The following PEX14 variants were observed in gnomAD, a reference collection of about 807,000 sequenced individuals.
PEX14 encodes the protein peroxisomal membrane protein PEX14.
Under a neutral mutation model 49.5 loss-of-function variants are expected in PEX14, and 15 were observed. The observed-to-expected ratio is 0.30, with a 90% CI of 0.20 to 0.47. The LOEUF is 0.47. Ranked by LOEUF, PEX14 falls within the 20% of genes least tolerant of loss-of-function variation. The pLI is 1.00. For synonymous variants in PEX14, 210 were observed against 212.7 expected, an observed-to-expected ratio of 0.99 and a Z score of 0.11; for missense variants, 398 against 494.8, an observed-to-expected ratio of 0.80 and a Z score of 1.86.
intron 3 of PEX14, among the ~76,000 whole-genome samples, chr1:10,547,991 A>G (rs749777688): frequency 1.3e-5 from 2 of 152,048 alleles, no homozygotes; most frequent in African/African-American, 2.4e-5. Flanking sequence ...TGAGGCAGGC[A>G]GATCACCTGA....
rs779545665 is a variant in PEX14 at position 10,495,285 on chromosome 1, T to C, written c.48T>C (p.Thr16=). The change falls in exon 2 of 9, where the codon ACT becomes ACC. Residue 16 remains threonine (T), a synonymous_variant. Coordinates refer to ENST00000356607, the MANE Select transcript of PEX14 (RefSeq NM_004565.3). The surrounding 1 kb of genome is among the most constrained non-coding windows in gnomAD (Gnocchi z 4.2). ...ATTTTTCTCTGCAGCCAAGCTCTACTCCAGGAAGTGAAAATGTGCTGCCTC... is the reference window on the plus strand; with the variant it reads ...ATTTTTCTCTGCAGCCAAGCTCTACCCCAGGAAGTGAAAATGTGCTGCCTC... ...QAEQPSQPSS[T]PGSENVLPRE... 8 of 1,613,886 alleles carry C rather than the reference T, an allele frequency of 5.0e-6. No individual in the cohort carries two copies. In the Admixed American group the frequency reaches 1.2e-4, roughly 24 times the overall value.
At position 10,500,373 on chromosome 1, in the gene PEX14, C is replaced by CAAAAAAAAA. The variant is rs750781683; in HGVS notation, c.84+5073_84+5081dup. ...TGGGCGACAGAGCCAGATTCTGTCTCAAAAAAAAAAAAAAAAAAAAAAAAA... is the reference window on the plus strand; with the variant it reads ...TGGGCGACAGAGCCAGATTCTGTCTCAAAAAAAAAAAAAAAAAAAAAAAAAAAAAAAAAA... On this transcript the variant is annotated intron_variant, in intron 2 of 8. Transcript: ENST00000356607. 1.3e-3 allele frequency among the ~76,000 whole-genome samples: 57 copies of CAAAAAAAAA among 43,674 alleles called. 1 individual carries two copies. The highest frequency in any genetic ancestry group is 1.7e-3 in the East Asian group (2 of 1,198). 28.7% of individuals were successfully genotyped at this position (43,674 alleles called of 152,430 possible). A position where few individuals can be genotyped will look rare whatever the true frequency, so the allele number is the denominator to read the frequency against.
intron 2 of PEX14, among the ~76,000 whole-genome samples, chr1:10,497,080 C>T (rs1641580385): frequency 6.6e-6 from 1 of 151,950 alleles, no homozygotes; most frequent in South Asian, 2.1e-4. Context: ...TTTCTCCTTC[C>T]CCCACTTTTT....
At chr1:10,530,888 A>G (rs1426636310) in intron 2 of PEX14, among the ~76,000 whole-genome samples, 3 of 152,164 alleles carry the variant, frequency 2.0e-5, no homozygotes, top group Non-Finnish European at 4.4e-5. Flanking sequence ...GAGAATGACA[A>G]TTCCGACGCT....
chr1:10,497,415 T>A (rs972529848), intron 2 of PEX14, among the ~76,000 whole-genome samples: 8 of 152,220 alleles, frequency 5.3e-5, no homozygotes, highest in African/African-American at 1.7e-4. Flanking sequence ...TCAGGCCATG[T>A]GTATTTGCTG....
chr1:10,505,068 G>A (rs1641758116), intron 2 of PEX14, among the ~76,000 whole-genome samples: 1 of 152,194 alleles, frequency 6.6e-6, no homozygotes, highest in African/African-American at 2.4e-5. Flanking sequence ...GGAATTACAG[G>A]CATGAGCCAC....
intron 3 of PEX14, among the ~76,000 whole-genome samples, chr1:10,588,955 A>G (rs2124584299): frequency 6.6e-6 from 1 of 152,352 alleles, no homozygotes; most frequent in South Asian, 2.1e-4. Flanking sequence ...CATAGAATGT[A>G]CAGAATTTTG....
At chr1:10,480,199 TG>T (rs552666284) in intron 1 of PEX14, among the ~76,000 whole-genome samples, 6,985 of 73,630 alleles carry the variant, frequency 0.095, 407 homozygotes, top group African/African-American at 0.27. Flanking sequence ...GCCCTCTCAA[TG>T]TTTTTTTTTT....
intron 3 of PEX14, among the ~76,000 whole-genome samples, chr1:10,567,827 C>T (rs571243571): frequency 1.4e-4 from 22 of 152,090 alleles, no homozygotes; most frequent in Non-Finnish European, 3.1e-4. Flanking sequence ...GACGGGGTCT[C>T]ACTATGTTGC....
intron 2 of PEX14, among the ~76,000 whole-genome samples, chr1:10,507,062 C>T (rs1346798654): frequency 6.6e-6 from 1 of 152,168 alleles, no homozygotes; most frequent in African/African-American, 2.4e-5. Context: ...ATATTCTGGC[C>T]TCGCTGTTGG....
At chr1:10,542,356 C>T (rs1310732736) in intron 3 of PEX14, among the ~76,000 whole-genome samples, 3 of 152,206 alleles carry the variant, frequency 2.0e-5, no homozygotes, top group Non-Finnish European at 4.4e-5. Flanking sequence ...ACACTTTACT[C>T]GTATACTTGG....
intron 2 of PEX14, among the ~76,000 whole-genome samples, chr1:10,504,634 T>C (rs903544405): frequency 6.2e-4 from 95 of 152,226 alleles, no homozygotes; most frequent in Non-Finnish European, 1.0e-4. Context: ...AGTGGGTCTT[T>C]AGGACCAGGG....
At position 10,613,385 on chromosome 1, in the gene PEX14, T is replaced by C. The variant is rs1641325748; in HGVS notation, c.299-4947T>C. Among the ~76,000 whole-genome samples the C allele has an allele frequency of 6.6e-6, 1 of 152,190 alleles. No homozygotes were observed. Among genetic ancestry groups the C allele is most frequent in the Non-Finnish European group, 1.5e-5 (1 of 68,024 alleles). ...GAGCCTTTGCGCAGGCTGACCTCCA[T>C]GGAGCCGGGCAGAGCTTAAGCTAGT... On this transcript the variant is annotated intron_variant, in intron 4 of 8. Transcript: ENST00000356607. This position sits in a 1 kb window ranked among gnomAD's most constrained non-coding sequence, Gnocchi z 5.0.
At chr1:10,538,197 G>A (rs999270328) in intron 3 of PEX14, among the ~76,000 whole-genome samples, 4 of 152,202 alleles carry the variant, frequency 2.6e-5, no homozygotes, top group Non-Finnish European at 5.9e-5. Flanking sequence ...AGGGAGCCGG[G>A]GTGAGGAATG....
chr1:10,561,296 G>A (rs1224458355), intron 3 of PEX14, among the ~76,000 whole-genome samples: 3 of 152,124 alleles, frequency 2.0e-5, no homozygotes, highest in African/African-American at 7.2e-5. Flanking sequence ...CTCAGATTCA[G>A]GGGACAGTCG....
intron 7 of PEX14, among the ~76,000 whole-genome samples, chr1:10,625,005 C>T (rs905539529): frequency 5.3e-5 from 8 of 152,162 alleles, no homozygotes; most frequent in African/African-American, 1.4e-4. Flanking sequence ...GAAATCTTGG[C>T]GTGGCAGCTT....
intron 1 of PEX14, among the ~76,000 whole-genome samples, chr1:10,491,573 C>T (rs1641474444): frequency 6.6e-6 from 1 of 150,834 alleles, no homozygotes; most frequent in Non-Finnish European, 1.5e-5. Flanking sequence ...CGCTGTGTTG[C>T]CCAGGCTGGT....
chr1:10,611,905 G>A (rs1310113370), intron 4 of PEX14, among the ~76,000 whole-genome samples: 1 of 152,158 alleles, frequency 6.6e-6, no homozygotes, highest in African/African-American at 2.4e-5. Flanking sequence ...TCAGATATAT[G>A]CTTGGCAGAT....
rs115351993 is a variant in PEX14 at position 10,590,690 on chromosome 1, T to C, written c.170-8548T>C. On this transcript the variant is annotated intron_variant, in intron 3 of 8. Transcript: ENST00000356607. Reference sequence around the variant, plus strand: ...CATATTTATCTCAATACTAATAATGTTGACAGTAGCAACCAATACCAGATT... The same window carrying C: ...CATATTTATCTCAATACTAATAATGCTGACAGTAGCAACCAATACCAGATT... 4.9e-3 allele frequency among the ~76,000 whole-genome samples: 749 copies of C among 152,330 alleles called. 5 individuals carry two copies. Among genetic ancestry groups the C allele is most frequent in the African/African-American group, 0.018 (732 of 41,568 alleles).
Sources: allele counts gnomAD v4.1 joint callset (sites outside exome capture counted in the v4.1 genomes callset), GRCh38; gene constraint gnomAD v4.1.1; non-coding constraint Gnocchi (gnomAD v3.1); transcripts MANE v1.5; gene names NCBI Gene and HGNC (gene_info 2026-07-23, HGNC 2026-07-21).